Variants in TEK observed in about 807,000 individuals in gnomAD.
The protein encoded by TEK is angiopoietin-1 receptor.
TEK carries 43 observed loss-of-function variants against 131.8 expected under a neutral mutation model. The observed-to-expected ratio is 0.33, with a 90% CI of 0.26 to 0.42. The LOEUF is 0.42. Among genes scored for constraint, TEK ranks in the 10% least tolerant of loss-of-function variants. The probability of loss-of-function intolerance (pLI) is 1.00; values close to 1 mark genes in which losing one functional copy is unlikely to be tolerated. For synonymous variants in TEK, 580 were observed against 491.6 expected, an observed-to-expected ratio of 1.18 and a Z score of -2.38; for missense variants, 1,162 against 1,384.4, an observed-to-expected ratio of 0.84 and a Z score of 2.55.
chr9:27,141,361 G>A (rs1260066200), intron 1 of TEK, among the ~76,000 whole-genome samples: 1 of 151,948 alleles, frequency 6.6e-6, no homozygotes, highest in Non-Finnish European at 1.5e-5. Context: ...TATTTAACCT[G>A]TACTTCTCTA....
chr9:27,206,818 G>A (rs1469823800), intron 15 of TEK, 26 bp downstream of exon 15: 1 of 1,609,640 alleles, frequency 6.2e-7, no homozygotes, highest in South Asian at 1.1e-5. Flanking sequence ...GATAGAGTCA[G>A]CATTGCGTGA....
At position 27,175,739 on chromosome 9, in the gene TEK, T is replaced by G. The variant is rs938415921; in HGVS notation, c.901+2377T>G. On this transcript the variant is annotated intron_variant, in intron 6 of 22. Transcript: ENST00000380036. Reference sequence around the variant, plus strand: ...TGATTTGTATTTCTCTGATGGCCAGTGATGATGAGCATTTTTTCATGTGTC... The same window carrying G: ...TGATTTGTATTTCTCTGATGGCCAGGGATGATGAGCATTTTTTCATGTGTC... 9.2e-5 allele frequency among the ~76,000 whole-genome samples: 14 copies of G among 152,344 alleles called. 1 individual carries two copies. In the South Asian group the frequency reaches 2.9e-3, roughly 32 times the overall value.
At chr9:27,148,184 A>G (rs1822996973) in intron 1 of TEK, among the ~76,000 whole-genome samples, 1 of 152,244 alleles carries the variant, frequency 6.6e-6, no homozygotes, top group Admixed American at 6.5e-5. Flanking sequence ...TACTAATTAC[A>G]CTGCCCATCA....
At chr9:27,219,324 C>T (rs948581391) in intron 20 of TEK, among the ~76,000 whole-genome samples, 3 of 152,186 alleles carry the variant, frequency 2.0e-5, no homozygotes, top group Non-Finnish European at 4.4e-5. Context: ...GGAATGAGTT[C>T]GTGTCCTTTG....
At chr9:27,168,364 G>A (rs1386358929) in intron 2 of TEK, 131 bp from the exon 3 acceptor site, 3 of 723,070 alleles carry the variant, frequency 4.1e-6, no homozygotes, top group East Asian at 5.4e-5. Context: ...AGCCACCACT[G>A]TTTTTCACCT....
At chr9:27,228,354 G>T in intron 22 of TEK, 49 bp downstream of exon 22, 2 of 1,407,816 alleles carry the variant, frequency 1.4e-6, no homozygotes, top group Non-Finnish European at 1.0e-6. Context: ...TACCTGATGT[G>T]CCCAGGGTGG....
rs534613102 is a variant in TEK, at chr9:27,174,973, T to A, written c.901+1611T>A. 2.8e-3 allele frequency among the ~76,000 whole-genome samples: 383 copies of A among 137,566 alleles called. 4 individuals are homozygous for A. The highest frequency in any genetic ancestry group is 9.2e-3 in the African/African-American group (355 of 38,514). The allele number at this position is 137,566 out of a possible 152,430, so 90.2% of individuals were successfully genotyped here. A position where few individuals can be genotyped will look rare whatever the true frequency, so the allele number is the denominator to read the frequency against. On this transcript the variant is annotated intron_variant, in intron 6 of 22. Transcript: ENST00000380036. ...GGGCCCAGGTTTTTTTGTTTTTTTT[T>A]TAATTCTTTTTATTATTATTATTAT...
intron 15 of TEK, among the ~76,000 whole-genome samples, chr9:27,207,975 A>G (rs1437653268): frequency 6.6e-6 from 1 of 152,108 alleles, no homozygotes; most frequent in Non-Finnish European, 1.5e-5. Flanking sequence ...AGCAGTGAGG[A>G]TAGTGAGAGG....
At position 27,197,649 on chromosome 9, in the gene TEK, G is replaced by A. The variant is rs545525947; in HGVS notation, c.1909+50G>A. 2.3e-5 allele frequency: 37 copies of A among 1,607,436 alleles called. No individual in the cohort carries two copies. In the African/African-American group the frequency reaches 3.6e-4, roughly 16 times the overall value. ...CTCATCTGAGCAATAAGGGGCTACCGCCATGCAGACTTAGCTAACATCACT... is the reference window on the plus strand; with the variant it reads ...CTCATCTGAGCAATAAGGGGCTACCACCATGCAGACTTAGCTAACATCACT... On this transcript the variant is annotated intron_variant, in intron 12 of 22. Transcript: ENST00000380036.
chr9:27,117,108 G>A (rs1360679425), intron 1 of TEK, among the ~76,000 whole-genome samples: 2 of 151,462 alleles, frequency 1.3e-5, no homozygotes, highest in African/African-American at 2.4e-5. Context: ...CTAGTGATCC[G>A]CCTGCCTCGG....
chr9:27,214,125 G>T (rs374618151), intron 18 of TEK, among the ~76,000 whole-genome samples: 59 of 152,244 alleles, frequency 3.9e-4, no homozygotes, highest in African/African-American at 1.4e-3. Flanking sequence ...CTCCCAAACA[G>T]TAATATTTTA....
At chr9:27,211,215 A>ATATATATGAATATGTGTG (rs1564101140) in intron 16 of TEK, among the ~76,000 whole-genome samples, 2 of 129,608 alleles carry the variant, frequency 1.5e-5, no homozygotes, top group African/African-American at 5.6e-5. Flanking sequence ...ATATATGTGT[A>ATATATATGAATATGTGTG]TATATATGAA....
At chr9:27,133,870 TG>T (rs1424560027) in intron 1 of TEK, among the ~76,000 whole-genome samples, 2 of 152,194 alleles carry the variant, frequency 1.3e-5, no homozygotes, top group Non-Finnish European at 2.9e-5. Flanking sequence ...AAAAACACAT[TG>T]GGGAACCCCT....
chr9:27,203,929 AC>A (rs1375043475), intron 13 of TEK, among the ~76,000 whole-genome samples: 4 of 152,228 alleles, frequency 2.6e-5, no homozygotes, highest in African/African-American at 9.6e-5. Flanking sequence ...ACAAAATCAA[AC>A]AAGTCGCTTT....
chr9:27,224,588 G>A lies in TEK; in HGVS notation c.3201-3618G>A, dbSNP rs748515180. On this transcript the variant is annotated intron_variant, in intron 21 of 22. Transcript: ENST00000380036. ...AGGCTAAACACGCTCAGTAAACTAG[G>A]TATTGATGGAACGTATCTCAAAATA... 2.6e-5 allele frequency among the ~76,000 whole-genome samples: 4 copies of A among 152,108 alleles called. No individual in the cohort carries two copies. In the East Asian group the frequency reaches 7.7e-4, roughly 29 times the overall value.
intron 14 of TEK, among the ~76,000 whole-genome samples, chr9:27,205,975 G>T (rs974350732): frequency 1.3e-5 from 2 of 150,032 alleles, no homozygotes; most frequent in East Asian, 2.0e-4. Flanking sequence ...GGAGTGCTGA[G>T]CCTGTCAAAA....
chr9:27,136,370 G>C (rs1454930945), intron 1 of TEK, among the ~76,000 whole-genome samples: 1 of 152,128 alleles, frequency 6.6e-6, no homozygotes, highest in African/African-American at 2.4e-5. Flanking sequence ...GTGAGCCACT[G>C]CGCCGGTCCC....
rs146222385 is a variant in TEK, at chr9:27,134,304, T to C, written c.53-23527T>C. ...ATCAGCTCATTTACTCTGTGAGATA[T>C]ACTGCCCACAAACTCAAGGATTTGT... On this transcript the variant is annotated intron_variant, in intron 1 of 22. Transcript: ENST00000380036. 4.6e-5 allele frequency among the ~76,000 whole-genome samples: 7 copies of C among 152,342 alleles called. No homozygotes were observed. In the East Asian group the frequency reaches 9.6e-4, roughly 21 times the overall value.
chr9:27,137,899 T>G (rs1822547715), intron 1 of TEK, among the ~76,000 whole-genome samples: 1 of 152,106 alleles, frequency 6.6e-6, no homozygotes, highest in Admixed American at 6.6e-5. Flanking sequence ...ACCCTTGCGG[T>G]GAGTGTTACA....
Sources: gnomAD v4.1 joint callset for allele counts (sites outside exome capture counted in the v4.1 genomes callset) on GRCh38, gnomAD v4.1.1 for gene constraint, MANE v1.5 for transcripts, NCBI Gene and HGNC (gene_info 2026-07-23, HGNC 2026-07-21) for gene names.